The following IL1RAPL1 variants were observed in gnomAD, a reference collection of about 807,000 sequenced individuals.
IL1RAPL1 encodes the protein interleukin-1 receptor accessory protein-like 1.
Under a neutral mutation model 48.4 loss-of-function variants are expected in IL1RAPL1, and 3 were observed. That is an observed-to-expected ratio of 0.06 (90% CI 0.03 to 0.16). IL1RAPL1 has a LOEUF of 0.16. Among genes scored for constraint, IL1RAPL1 ranks in the 10% least tolerant of loss-of-function variants. IL1RAPL1 has a pLI of 1.00. For synonymous variants in IL1RAPL1, 185 were observed against 187.7 expected (o/e 0.99, Z 0.12); for missense variants, 349 against 530.6 (o/e 0.66, Z 3.36).
At chrX:29,027,869 C>T (rs1412813603) in intron 2 of IL1RAPL1, among the ~76,000 whole-genome samples, 1 of 108,403 alleles carries the variant, frequency 9.2e-6, no homozygotes, top group Non-Finnish European at 1.9e-5. Flanking sequence ...GTCTTTACTG[C>T]GTTTTTAAAT....
intron 5 of IL1RAPL1, among the ~76,000 whole-genome samples, chrX:29,427,571 G>A (rs1934365541): frequency 9.0e-6 from 1 of 111,570 alleles, no homozygotes; most frequent in Admixed American, 9.5e-5. Flanking sequence ...CTGTCTTTGT[G>A]CACTGAGTCA....
intron 1 of IL1RAPL1, among the ~76,000 whole-genome samples, chrX:28,710,156 C>T (rs1206432112): frequency 9.0e-6 from 1 of 111,098 alleles, no homozygotes; most frequent in Non-Finnish European, 1.9e-5. Flanking sequence ...GCACTGGTTC[C>T]AGTATATGGG....
rs1304194479 is a variant in IL1RAPL1, at chrX:29,310,145, AAAAC to A, written c.362+26932_362+26935del. On this transcript the variant is annotated intron_variant, in intron 3 of 10. Coordinates refer to ENST00000378993, the MANE Select transcript of IL1RAPL1 (RefSeq NM_014271.4). ...AAAAAAAAAAGAAAGGAAAAAAAAA[AAAAC>A]AAAAAAAGGGTAAGTCGGGAGCTTA... is the stretch of plus-strand genomic sequence containing the variant. Among the ~76,000 whole-genome samples, 12 of 100,242 alleles carry A rather than the reference AAAAC, an allele frequency of 1.2e-4. 1 individual carries two copies. The highest frequency in any genetic ancestry group is 4.6e-4 in the African/African-American group (12 of 26,068). 87.0% of individuals were successfully genotyped at this position (100,242 alleles called of 115,157 possible).
chrX:29,318,720 C>T lies in IL1RAPL1; in HGVS notation c.362+35503C>T, dbSNP rs1296606993. Among the ~76,000 whole-genome samples, 3 of 112,336 alleles carry T rather than the reference C, an allele frequency of 2.7e-5. No individual in the cohort carries two copies. In the Admixed American group the frequency reaches 2.8e-4, roughly 11 times the overall value. ...TACATGTTGGAAATGTCATTTCAAT[C>T]AGGGCTAATCATAATATGACAGGAA... On this transcript the variant is annotated intron_variant, in intron 3 of 10. Transcript: ENST00000378993.
At chrX:29,142,558 G>A (rs181767959) in intron 2 of IL1RAPL1, among the ~76,000 whole-genome samples, 11 of 112,157 alleles carry the variant, frequency 9.8e-5, no homozygotes, top group African/African-American at 3.2e-4. Flanking sequence ...TTGTATCGAC[G>A]TTAATTTCCT....
chrX:29,556,432 C>T (rs1285000781), intron 5 of IL1RAPL1, among the ~76,000 whole-genome samples: 1 of 110,778 alleles, frequency 9.0e-6, no homozygotes, highest in Non-Finnish European at 1.9e-5. Flanking sequence ...ATGGATTGCT[C>T]GAGGTCAGGA....
At chrX:29,922,689 A>G (rs1014620249) in intron 8 of IL1RAPL1, among the ~76,000 whole-genome samples, 1 of 112,244 alleles carries the variant, frequency 8.9e-6, no homozygotes, top group Non-Finnish European at 1.9e-5. Context: ...CACAGCATAT[A>G]TGAAATTATA....
chrX:29,752,068 A>ATGTG (rs1928484238), intron 6 of IL1RAPL1, among the ~76,000 whole-genome samples: 1 of 91,332 alleles, frequency 1.1e-5, no homozygotes, highest in African/African-American at 4.7e-5. Flanking sequence ...ATATGTATAT[A>ATGTG]TATGTGTGTA....
chrX:28,888,796 T>G (rs1418624304), intron 2 of IL1RAPL1, among the ~76,000 whole-genome samples: 1 of 111,732 alleles, frequency 8.9e-6, no homozygotes, highest in Non-Finnish European at 1.9e-5. Flanking sequence ...ACAATCTCAC[T>G]AGAACTTGGT....
At chrX:28,766,692 T>C (rs1406330382) in intron 1 of IL1RAPL1, among the ~76,000 whole-genome samples, 1 of 110,607 alleles carries the variant, frequency 9.0e-6, no homozygotes, top group African/African-American at 3.3e-5. Context: ...GCATCCCCCA[T>C]TACCCTTCCC....
intron 9 of IL1RAPL1, among the ~76,000 whole-genome samples, chrX:29,951,817 C>T (rs1933325273): frequency 9.0e-6 from 1 of 111,330 alleles, no homozygotes; most frequent in African/African-American, 3.3e-5. Flanking sequence ...GTTCAGGTTA[C>T]AGGTAGGAGT....
intron 8 of IL1RAPL1, among the ~76,000 whole-genome samples, chrX:29,934,413 CAATAGCTGTAAAT>C (rs1418425172): frequency 1.8e-5 from 2 of 111,991 alleles, no homozygotes; most frequent in Non-Finnish European, 3.8e-5. Context: ...GATTCGTGTA[CAATAGCTGTAAAT>C]AACAGAATTT....
intron 3 of IL1RAPL1, among the ~76,000 whole-genome samples, chrX:29,328,515 A>G (rs1465291602): frequency 9.0e-6 from 1 of 111,039 alleles, no homozygotes; most frequent in Admixed American, 9.6e-5. Flanking sequence ...ACTACAAGTA[A>G]GAAATCCACT....
intron 3 of IL1RAPL1, among the ~76,000 whole-genome samples, chrX:29,335,287 G>C (rs866109748): frequency 2.7e-3 from 9 of 3,310 alleles, no homozygotes; most frequent in African/African-American, 4.2e-3. Context: ...GAGGGGAGAG[G>C]GGAGAGGGGA....
At chrX:29,451,645 C>A (rs1355651216) in intron 5 of IL1RAPL1, among the ~76,000 whole-genome samples, 3 of 111,427 alleles carry the variant, frequency 2.7e-5, no homozygotes, top group Admixed American at 9.6e-5. Context: ...TGTACACATA[C>A]ATGTATATGC....
In IL1RAPL1 at chrX:29,810,681, A is replaced by T. The variant is rs5973056; in HGVS notation, c.779-106783A>T. Among the ~76,000 whole-genome samples, 427 of 110,168 alleles carry T rather than the reference A, an allele frequency of 3.9e-3. 3 individuals are homozygous for T. The highest frequency in any genetic ancestry group is 0.013 in the African/African-American group (405 of 30,305). On this transcript the variant is annotated intron_variant, in intron 6 of 10. Coordinates refer to ENST00000378993, the MANE Select transcript of IL1RAPL1 (RefSeq NM_014271.4). ...TCTTATTCTATCCTCCATATCTCCA[A>T]CCCTAGTCTATATTTTCCTTCTCTT...
At chrX:29,239,109 T>C (rs1199183109) in intron 2 of IL1RAPL1, among the ~76,000 whole-genome samples, 1 of 111,895 alleles carries the variant, frequency 8.9e-6, no homozygotes, top group African/African-American at 3.2e-5. Context: ...AAAATAACTT[T>C]TAGATACCAT....
intron 2 of IL1RAPL1, among the ~76,000 whole-genome samples, chrX:28,793,583 G>T (rs1163733904): frequency 9.0e-6 from 1 of 111,626 alleles, no homozygotes; most frequent in Non-Finnish European, 1.9e-5. Flanking sequence ...CATAGTCTTT[G>T]TTAATAATAG....
chrX:29,751,224 A>G (rs1282087196), intron 6 of IL1RAPL1, among the ~76,000 whole-genome samples: 1 of 111,555 alleles, frequency 9.0e-6, no homozygotes, highest in Non-Finnish European at 1.9e-5. Context: ...CTAAAAACCT[A>G]TGTGGCCACA....
Sources: gnomAD v4.1 joint callset for allele counts (sites outside exome capture counted in the v4.1 genomes callset) on GRCh38, gnomAD v4.1.1 for gene constraint, MANE v1.5 for transcripts, NCBI Gene and HGNC (gene_info 2026-07-23, HGNC 2026-07-21) for gene names.